TFRC: variants seen among roughly 807,000 people sequenced by gnomAD.
The protein encoded by TFRC is transferrin receptor.
TFRC carries 35 observed loss-of-function variants against 85.8 expected under a neutral mutation model. That is an observed-to-expected ratio of 0.41 (90% CI 0.31 to 0.54). The LOEUF (loss-of-function observed/expected upper bound fraction) is 0.54. Ranked by LOEUF, TFRC falls within the 20% of genes least tolerant of loss-of-function variation. The pLI is 0.31. For synonymous variants in TFRC, 362 were observed against 328.6 expected (o/e 1.10, Z -1.10); for missense variants, 828 against 921.5 (o/e 0.90, Z 1.31).
At chr3:196,066,935 C>A (rs1485984574) in intron 9 of TFRC, among the ~76,000 whole-genome samples, 1 of 152,090 alleles carries the variant, frequency 6.6e-6, no homozygotes, top group Admixed American at 6.6e-5. Flanking sequence ...TGTCCACATC[C>A]AAATCAAAAT....
intron 18 of TFRC, 146 bp from the exon 19 acceptor site, chr3:196,052,330 C>T (rs1459222100): frequency 3.2e-6 from 3 of 925,472 alleles, no homozygotes; most frequent in African/African-American, 3.6e-5. Flanking sequence ...CAGAGTTTCG[C>T]TCTTGTTGCC....
At chr3:196,075,077 A>AATAAAT in intron 3 of TFRC, 82 bp downstream of exon 3, 1 of 1,238,940 alleles carries the variant, frequency 8.1e-7, no homozygotes, top group Non-Finnish European at 1.1e-6. Flanking sequence ...TAAGGTACAA[A>AATAAAT]ATAACTATAT....
In TFRC at chr3:196,058,568, A is replaced by T. The variant is rs757070304; in HGVS notation, c.1595+6T>A. On this transcript the variant is annotated splice_donor_region_variant and intron_variant, in intron 15 of 18. Transcript: ENST00000360110. ...TTAGTTTGTTCATTCACTTTTCTCA[A>T]CTTACACTTTGCTGGCCCAGTTGCT... The T allele has an allele frequency of 6.2e-7, 1 of 1,610,158 alleles. No homozygotes were observed. The highest frequency in any genetic ancestry group is 1.7e-5 in the Admixed American group (1 of 59,228).
chr3:196,081,606 C>G (rs1472155435), intron 1 of TFRC, among the ~76,000 whole-genome samples: 1 of 152,232 alleles, frequency 6.6e-6, no homozygotes, highest in East Asian at 1.9e-4. Context: ...CGCCCGCGCT[C>G]CCGGACCCGC....
rs756994478 is a variant in TFRC, at chr3:196,062,597, C to T, written c.1453G>A (p.Asp485Asn). 1.9e-6 allele frequency: 3 copies of T among 1,608,510 alleles called. No individual in the cohort carries two copies. Among genetic ancestry groups the T allele is most frequent in the East Asian group, 4.5e-5 (2 of 44,886 alleles). ...HLKAFTYINL[D>N]KAVLGTSNFK... Reference sequence around the variant, plus strand: ...GGATACTTACCAAGAACCGCTTTATCCAGATTAATATAAGTGAAAGCCTTT... The same window carrying T: ...GGATACTTACCAAGAACCGCTTTATTCAGATTAATATAAGTGAAAGCCTTT... Residue 485 changes from aspartate to asparagine, a missense_variant, in exon 13 of 19, where the codon GAT (aspartate) becomes AAT (asparagine). By Grantham distance (23) the Asp-to-Asn change is conservative. Transcript: ENST00000360110.
intron 13 of TFRC, 196 bp from the exon 14 acceptor site, chr3:196,060,443 A>G (rs1717174343): frequency 7.0e-6 from 4 of 570,688 alleles, no homozygotes; most frequent in South Asian, 6.1e-5. Flanking sequence ...ACTTCACTCA[A>G]GTGGGCTCGT....
chr3:196,069,588 T>C lies in TFRC; in HGVS notation c.688-20A>G. 1 of 1,422,522 alleles carries C rather than the reference T, an allele frequency of 7.0e-7. No homozygotes were observed. Among genetic ancestry groups the C allele is most frequent in the South Asian group, 1.2e-5 (1 of 86,414 alleles). The allele number at this position is 1,422,522 out of a possible 1,614,324, so 88.1% of individuals were successfully genotyped here. On this transcript the variant is annotated intron_variant, in intron 6 of 18. Coordinates refer to ENST00000360110, the MANE Select transcript of TFRC (RefSeq NM_001128148.3). Reference sequence around the variant, plus strand: ...TTTACCCTAGAACAAAGACATTAGATTTAATGAGCATTATGGTATCGGAAC... The same window carrying C: ...TTTACCCTAGAACAAAGACATTAGACTTAATGAGCATTATGGTATCGGAAC...
At chr3:196,072,680 G>A (rs1051154477) in intron 4 of TFRC, 2 of 149,958 alleles carry the variant, frequency 1.3e-5, no homozygotes, top group Non-Finnish European at 2.9e-5. Flanking sequence ...GCATCAACTA[G>A]ATGAAGTAGA....
intron 9 of TFRC, among the ~76,000 whole-genome samples, chr3:196,066,508 A>G (rs1308588283): frequency 6.6e-6 from 1 of 152,200 alleles, no homozygotes; most frequent in Non-Finnish European, 1.5e-5. Flanking sequence ...TACCCAAATA[A>G]TAGCTGCTCC....
In TFRC at chr3:196,068,027, C is replaced by T. The variant is rs1717876104; in HGVS notation, c.900+5G>A. The T allele has an allele frequency of 6.2e-7, 1 of 1,608,140 alleles. No individual in the cohort carries two copies. Among genetic ancestry groups the T allele is most frequent in the Non-Finnish European group, 8.5e-7 (1 of 1,176,512 alleles). The stretch of plus-strand genomic sequence containing the variant: ...AAACGGTGATTTACTCAAGAAATAA[C>T]TCACATGTCCAAAGAATGAAAGTTC... On this transcript the variant is annotated splice_donor_5th_base_variant and intron_variant, in intron 8 of 18. Coordinates refer to ENST00000360110, the MANE Select transcript of TFRC (RefSeq NM_001128148.3).
At chr3:196,053,637 T>TTAAG in intron 17 of TFRC, 79 bp from the exon 18 acceptor site, 3 of 1,558,292 alleles carry the variant, frequency 1.9e-6, no homozygotes, top group Non-Finnish European at 1.8e-6. Context: ...TTAACGTGCG[T>TTAAG]TAAGTAAGAT....
rs1472691255 is a variant in TFRC, at chr3:196,050,968, A to G, written c.*974T>C. On this transcript the variant is annotated 3_prime_UTR_variant, in exon 19 of 19. Transcript: ENST00000360110. ...CTTTTATTTAAAAAAAACCGACAGTATAACTGTCATAATTATGGAAGGCAC... is the reference window on the plus strand; with the variant it reads ...CTTTTATTTAAAAAAAACCGACAGTGTAACTGTCATAATTATGGAAGGCAC... The G allele has an allele frequency of 5.0e-6, 1 of 201,196 alleles. No homozygotes were observed. Among genetic ancestry groups the G allele is most frequent in the Admixed American group, 6.0e-5 (1 of 16,634 alleles). 12.5% of individuals were successfully genotyped at this position (201,196 alleles called of 1,614,324 possible).
chr3:196,054,935 A>G (rs1577216639), intron 17 of TFRC, 145 bp downstream of exon 17: 2 of 819,066 alleles, frequency 2.4e-6, no homozygotes, highest in East Asian at 5.2e-5. Context: ...ACAAGTTACC[A>G]ATTCTACATA....
In TFRC at chr3:196,050,375, A is replaced by C. The variant is rs1716215049; in HGVS notation, c.*1567T>G. ...ATGACCACAAAATGTTTCTGCAACT[A>C]AAACTAAAAGATAGGGAATTATAGG... is the stretch of plus-strand genomic sequence containing the variant. On this transcript the variant is annotated 3_prime_UTR_variant, in exon 19 of 19. Transcript: ENST00000360110. 4.7e-6 allele frequency: 1 copy of C among 215,012 alleles called. No individual in the cohort carries two copies. The allele number at this position is 215,012 out of a possible 1,614,324, so 13.3% of individuals were successfully genotyped here.
chr3:196,068,172 C>T, intron 7 of TFRC, 42 bp from the exon 8 acceptor site: 1 of 1,475,584 alleles, frequency 6.8e-7, no homozygotes, highest in Non-Finnish European at 9.4e-7. Flanking sequence ...AAGATCTGAT[C>T]ATACGAAATG....
chr3:196,065,425 G>A lies in TFRC; in HGVS notation c.1198+18C>T, dbSNP rs773185854. 8.5e-6 allele frequency: 6 copies of A among 702,178 alleles called. 1 individual carries two copies. Among genetic ancestry groups the A allele is most frequent in the African/African-American group, 5.5e-5 (2 of 36,504 alleles). 43.5% of individuals were successfully genotyped at this position (702,178 alleles called of 1,614,324 possible). ...ACAAAAAAAAAGCGGGGCGGGGGGG[G>A]GGGGGGGCGGTCTTTACCTGGTTCT... On this transcript the variant is annotated intron_variant, in intron 10 of 18. Transcript: ENST00000360110.
chr3:196,072,281 C>G, intron 4 of TFRC, 129 bp from the exon 5 acceptor site: 1 of 1,252,088 alleles, frequency 8.0e-7, no homozygotes, highest in East Asian at 2.5e-5. Context: ...AACTGTGACC[C>G]AAAACTTCTA....
At position 196,073,945 on chromosome 3, in the gene TFRC, A is replaced by C; in HGVS notation, c.419T>G (p.Phe140Cys). The change falls in exon 4 of 19, where the codon TTC becomes TGC. Residue 140 changes from phenylalanine (F) to cysteine (C), a missense_variant. Coordinates refer to ENST00000360110, the MANE Select transcript of TFRC (RefSeq NM_001128148.3). ...TGGCACTCACTTGATGGTGCCGGTG[A>C]AGTCTGTGCTGTCCAGTTTCTCCGA... is the stretch of plus-strand genomic sequence containing the variant. The part of the protein sequence containing the change: ...KLSEKLDSTD[F>C]TGTIKLLNEN... 1.2e-6 allele frequency: 2 copies of C among 1,613,218 alleles called. No homozygotes were observed. The highest frequency in any genetic ancestry group is 1.7e-5 in the Admixed American group (1 of 59,860).
At chr3:196,069,401 G>A in intron 7 of TFRC, 54 bp downstream of exon 7, 11 of 1,022,578 alleles carry the variant, frequency 1.1e-5, no homozygotes, top group Non-Finnish European at 1.6e-5. Context: ...TCACTTACCT[G>A]AAGAGTAAGA....
Sources: gnomAD v4.1 joint callset for allele counts (sites outside exome capture counted in the v4.1 genomes callset) on GRCh38, gnomAD v4.1.1 for gene constraint, MANE v1.5 for transcripts, NCBI Gene and HGNC (gene_info 2026-07-23, HGNC 2026-07-21) for gene names.